The following NBAS variants were observed in gnomAD, a reference collection of about 807,000 sequenced individuals.
NBAS encodes the protein NAG/BC035112 fusion.
NBAS carries 219 observed loss-of-function variants against 302.5 expected under a neutral mutation model. That is an observed-to-expected ratio of 0.72 (90% CI 0.65 to 0.81). The LOEUF (loss-of-function observed/expected upper bound fraction) is 0.81. NBAS is among the 30% of genes least tolerant of loss of function. NBAS has a pLI of 0.00. For synonymous variants in NBAS, 1,118 were observed against 1,021.6 expected, an observed-to-expected ratio of 1.09 and a Z score of -1.80; for missense variants, 2,932 against 2,841.6, an observed-to-expected ratio of 1.03 and a Z score of -0.72.
At chr2:14,819,812 A>G in the NBAS span, among the ~76,000 whole-genome samples, 1 of 152,264 alleles carries the variant, frequency 6.6e-6, no homozygotes, top group Non-Finnish European at 1.5e-5. Context: ...AAACAACTCT[A>G]TAGGAAAAAA....
intron 19 of NBAS, among the ~76,000 whole-genome samples, chr2:15,462,741 A>T (rs946866275): frequency 6.6e-6 from 1 of 152,140 alleles, no homozygotes; most frequent in Non-Finnish European, 1.5e-5. Flanking sequence ...ACAGGTCAGG[A>T]GTTCTGGACT....
intron 44 of NBAS, among the ~76,000 whole-genome samples, chr2:15,245,358 C>A (rs979451178): frequency 6.6e-6 from 1 of 152,072 alleles, no homozygotes; most frequent in Admixed American, 6.6e-5. Context: ...TTGGAATGTT[C>A]TCCCAGGCAC....
At chr2:15,427,582 T>C (rs1184862082) in intron 22 of NBAS, 129 bp downstream of exon 22, 20 of 762,840 alleles carry the variant, frequency 2.6e-5, no homozygotes, top group South Asian at 2.4e-4. Flanking sequence ...GTTTAAAACT[T>C]CACTCAAACT....
At chr2:15,177,822 C>G (rs1315724737) in intron 51 of NBAS, 1 of 186,508 alleles carries the variant, frequency 5.4e-6, no homozygotes, top group East Asian at 1.3e-4. Context: ...CCTTGATTCC[C>G]TACTTCAGTC....
the NBAS span, among the ~76,000 whole-genome samples, chr2:15,136,246 A>G: frequency 6.6e-6 from 1 of 152,166 alleles, no homozygotes. Flanking sequence ...ATGAGAGTGT[A>G]TTCTTTTATC....
At chr2:15,410,848 C>A (rs181540903) in intron 25 of NBAS, among the ~76,000 whole-genome samples, 1 of 152,228 alleles carries the variant, frequency 6.6e-6, no homozygotes, top group East Asian at 1.9e-4. Context: ...GGATTTCTAG[C>A]CAATATAGCA....
At chr2:15,327,162 G>C (rs980742784) in intron 38 of NBAS, among the ~76,000 whole-genome samples, 1 of 152,062 alleles carries the variant, frequency 6.6e-6, no homozygotes, top group African/African-American at 2.4e-5. Flanking sequence ...ATATAGACAA[G>C]ATAGCTGAAG....
At chr2:15,414,759 A>G (rs529537727) in intron 25 of NBAS, among the ~76,000 whole-genome samples, 2 of 152,282 alleles carry the variant, frequency 1.3e-5, no homozygotes, top group South Asian at 4.1e-4. Context: ...AGCCTGGCCA[A>G]CATGGTGAAA....
chr2:15,214,976 A>G (rs1188728914), intron 48 of NBAS, among the ~76,000 whole-genome samples: 2 of 152,216 alleles, frequency 1.3e-5, no homozygotes, highest in African/African-American at 2.4e-5. Context: ...TTACATAAAA[A>G]TGGGAAAAAA....
At chr2:15,246,530 C>G (rs551464694) in intron 44 of NBAS, among the ~76,000 whole-genome samples, 30 of 152,328 alleles carry the variant, frequency 2.0e-4, no homozygotes, top group African/African-American at 7.2e-4. Flanking sequence ...CTCAACATGT[C>G]CCTGGAAAGT....
intron 38 of NBAS, among the ~76,000 whole-genome samples, chr2:15,312,928 C>T (rs888287516): frequency 6.6e-5 from 10 of 152,086 alleles, no homozygotes; most frequent in Non-Finnish European, 1.2e-4. Flanking sequence ...AAAATTAGAC[C>T]ATTTCAATAG....
chr2:15,098,410 G>T, the NBAS span, among the ~76,000 whole-genome samples: 1,156 of 35,692 alleles, frequency 0.032, 45 homozygotes, highest in East Asian at 0.044. Flanking sequence ...TATTATATAT[G>T]ATATATTGTA....
At chr2:15,483,049 C>T (rs1680493547) in intron 12 of NBAS, among the ~76,000 whole-genome samples, 1 of 152,176 alleles carries the variant, frequency 6.6e-6, no homozygotes. Context: ...CCTATTACGG[C>T]TAAAGTAATG....
intron 11 of NBAS, 37 bp downstream of exon 11, chr2:15,504,108 T>C (rs1228702115): frequency 6.4e-7 from 1 of 1,558,872 alleles, no homozygotes; most frequent in Admixed American, 1.7e-5. Flanking sequence ...GTAAAAATGT[T>C]TGAGAAGCCC....
At chr2:15,427,071 A>G (rs568738371) in intron 22 of NBAS, among the ~76,000 whole-genome samples, 1 of 152,272 alleles carries the variant, frequency 6.6e-6, no homozygotes, top group South Asian at 2.1e-4. Context: ...AACTCCTCCT[A>G]TGCAGATTCA....
Position 15,383,125 on chromosome 2 carries a change from G to A in NBAS, c.3360+90C>T, listed in dbSNP as rs1270399154. On this transcript the variant is annotated intron_variant, in intron 29 of 51. Transcript: ENST00000281513. ...ATTATTAAATAATATTACTTCCAGG[G>A]TAGCTTATGGTCATCAATCTTGTAT... The A allele has an allele frequency of 3.8e-6, 4 of 1,062,498 alleles. No homozygotes were observed. The African/African-American group carries it at 4.8e-5, about 13-fold the overall frequency. 65.8% of individuals were successfully genotyped at this position (1,062,498 alleles called of 1,614,324 possible).
chr2:15,129,167 T>C, the NBAS span, among the ~76,000 whole-genome samples: 11 of 152,246 alleles, frequency 7.2e-5, no homozygotes, highest in South Asian at 6.2e-4. Context: ...CCAGCAATAC[T>C]TAATTATTTA....
At chr2:15,010,700 T>C in the NBAS span, among the ~76,000 whole-genome samples, 1 of 152,218 alleles carries the variant, frequency 6.6e-6, no homozygotes, top group East Asian at 1.9e-4. Flanking sequence ...ATATTTGTTA[T>C]TCGTAAAAAA....
chr2:15,155,525 G>C, the NBAS span, among the ~76,000 whole-genome samples: 1 of 152,148 alleles, frequency 6.6e-6, no homozygotes, highest in South Asian at 2.1e-4. Context: ...CTCTTCCCCA[G>C]CTCTGCCCTA....
Sources: gnomAD v4.1 joint callset for allele counts (sites outside exome capture counted in the v4.1 genomes callset) on GRCh38, gnomAD v4.1.1 for gene constraint, MANE v1.5 for transcripts, NCBI Gene and HGNC (gene_info 2026-07-23, HGNC 2026-07-21) for gene names.